ATP2C2: variants seen among roughly 807,000 people sequenced by gnomAD.
ATP2C2 encodes the protein calcium-transporting ATPase type 2C member 2.
A neutral mutation model predicts 110.8 loss-of-function variants in ATP2C2; 171 were observed. The ratio of observed to expected loss-of-function variants is 1.54; its 90% CI spans 1.36 to 1.75. The LOEUF (loss-of-function observed/expected upper bound fraction) is 1.75, where lower values mean the gene tolerates loss of function less well. ATP2C2 is among the 40% of genes most tolerant of loss of function. The probability of loss-of-function intolerance (pLI) is 0.00; values close to 1 mark genes in which losing one functional copy is unlikely to be tolerated. For missense variants in ATP2C2, 1,963 were observed against 1,235.0 expected (o/e 1.59, Z -8.84); for synonymous variants, 804 against 508.4 (o/e 1.58, Z -7.82).
At chr16:84,447,902 A>AC (rs1567733883) in intron 16 of ATP2C2, among the ~76,000 whole-genome samples, 1 of 148,404 alleles carries the variant, frequency 6.7e-6, no homozygotes, top group African/African-American at 2.5e-5. Context: ...ATATATAATT[A>AC]ATATTATATT....
Position 84,389,189 on chromosome 16 carries a change from A to G in ATP2C2, c.100-9310A>G, listed in dbSNP as rs143235216. Among the ~76,000 whole-genome samples, 321 of 152,316 alleles carry G rather than the reference A, an allele frequency of 2.1e-3. 4 individuals carry two copies. Among genetic ancestry groups the G allele is most frequent in the South Asian group, 0.011 (55 of 4,830 alleles). On this transcript the variant is annotated intron_variant, in intron 1 of 26. Transcript: ENST00000262429. ...ACAACCTAAGGCATTTGGGATTCCC[A>G]CATGAGCCGTTTTCTTGTTCTTCTC...
chr16:84,408,788 G>A (rs2150524051), intron 4 of ATP2C2, among the ~76,000 whole-genome samples: 1 of 152,072 alleles, frequency 6.6e-6, no homozygotes, highest in Non-Finnish European at 1.5e-5. Flanking sequence ...TAGAGCCTGG[G>A]CTGTGCACAT....
chr16:84,442,659 T>C, intron 15 of ATP2C2, 60 bp downstream of exon 15: 6 of 1,510,804 alleles, frequency 4.0e-6, no homozygotes, highest in Non-Finnish European at 5.5e-6. Context: ...GATTCATTGG[T>C]AGAAAGCCAG....
At chr16:84,403,481 A>AT (rs1256861226) in intron 2 of ATP2C2, among the ~76,000 whole-genome samples, 2 of 151,094 alleles carry the variant, frequency 1.3e-5, no homozygotes, top group African/African-American at 2.4e-5. Flanking sequence ...AATTTTTAAA[A>AT]TTTTTTTGTA....
chr16:84,396,224 G>A (rs1394371318), intron 1 of ATP2C2, among the ~76,000 whole-genome samples: 7 of 26,836 alleles, frequency 2.6e-4, no homozygotes, highest in African/African-American at 4.4e-4. Context: ...AGCATCGGGC[G>A]TGTGTGTGTG....
At chr16:84,462,321 A>AG in intron 26 of ATP2C2, 192 bp downstream of exon 26, 1 of 701,944 alleles carries the variant, frequency 1.4e-6, no homozygotes, top group Admixed American at 3.0e-5. Flanking sequence ...ACGGATGCAC[A>AG]GAAACCCCTA....
At position 84,405,143 on chromosome 16, in the gene ATP2C2, G is replaced by C; in HGVS notation, c.226G>C (p.Gly76Arg). The C allele has an allele frequency of 2.5e-6, 4 of 1,613,936 alleles. No individual in the cohort carries two copies. Among genetic ancestry groups the C allele is most frequent in the Non-Finnish European group, 3.4e-6 (4 of 1,179,980 alleles). The change falls in exon 3 of 27, where the codon GGG becomes CGG. Residue 76 changes from glycine to arginine, a missense_variant. Physicochemically the swap from Gly to Arg is moderately radical, Grantham distance 125. Transcript: ENST00000262429. ...ARAFCVDLHT[G>R]LSEFSVTQRR... is the part of the protein sequence containing the mutation. ...CTCCTTCCAGGTGGACTTACACACT[G>C]GGCTGTCGGAGTTCTCGGTGACGCA...
chr16:84,419,424 C>A (rs1027152495), intron 7 of ATP2C2, among the ~76,000 whole-genome samples: 2 of 152,106 alleles, frequency 1.3e-5, no homozygotes, highest in Non-Finnish European at 2.9e-5. Flanking sequence ...CTTATGAGGA[C>A]CCTCGTGATC....
At chr16:84,446,470 C>A in intron 16 of ATP2C2, 40 bp downstream of exon 16, 1 of 1,452,966 alleles carries the variant, frequency 6.9e-7, no homozygotes, top group Admixed American at 2.2e-5. Flanking sequence ...CTCTTTCTGC[C>A]CGGGCCCCCA....
At chr16:84,410,095 G>C (rs2150525605) in intron 4 of ATP2C2, among the ~76,000 whole-genome samples, 1 of 152,284 alleles carries the variant, frequency 6.6e-6, no homozygotes, top group South Asian at 2.1e-4. Flanking sequence ...TGTGGTCCCA[G>C]CTACTTGGGA....
intron 13 of ATP2C2, among the ~76,000 whole-genome samples, chr16:84,439,938 G>A (rs113892029): frequency 2.0e-5 from 3 of 152,208 alleles, no homozygotes; most frequent in South Asian, 4.1e-4. Context: ...GGGTTCAAGC[G>A]ACTCTCCTGC....
At chr16:84,381,712 T>C (rs181752878) in intron 1 of ATP2C2, among the ~76,000 whole-genome samples, 4 of 152,352 alleles carry the variant, frequency 2.6e-5, no homozygotes, top group South Asian at 2.1e-4. Context: ...TCAACACATC[T>C]TCAATGGCGG....
chr16:84,394,226 A>G (rs1904838277), intron 1 of ATP2C2, among the ~76,000 whole-genome samples: 2 of 152,002 alleles, frequency 1.3e-5, no homozygotes, highest in South Asian at 4.1e-4. Flanking sequence ...GGTGAAATTC[A>G]CATAACAAAA....
At chr16:84,382,986 C>T (rs1308180547) in intron 1 of ATP2C2, among the ~76,000 whole-genome samples, 1 of 152,026 alleles carries the variant, frequency 6.6e-6, no homozygotes, top group Non-Finnish European at 1.5e-5. Context: ...GCAAAAGCAG[C>T]CTCAGAAGAG....
chr16:84,413,475 G>A (rs1224300899), intron 6 of ATP2C2, among the ~76,000 whole-genome samples: 2 of 152,218 alleles, frequency 1.3e-5, no homozygotes, highest in African/African-American at 4.8e-5. Flanking sequence ...CAGTAGAAAT[G>A]TCTGGGCTCG....
chr16:84,405,169 G>T lies in ATP2C2; in HGVS notation c.252G>T (p.Gln84His), dbSNP rs1246613036. ...HTGLSEFSVT[Q>H]RRLAHGWNEF... ...GGCTGTCGGAGTTCTCGGTGACGCA[G>T]CGCCGGCTGGCCCATGGCTGGAATG... is the stretch of plus-strand genomic sequence containing the variant. Residue 84 changes from glutamine (Q) to histidine (H), a missense_variant, in exon 3 of 27, where the codon CAG (glutamine) becomes CAT (histidine). Coordinates refer to ENST00000262429, the MANE Select transcript of ATP2C2 (RefSeq NM_014861.4). The T allele has an allele frequency of 6.2e-7, 1 of 1,613,862 alleles. No individual in the cohort carries two copies. Among genetic ancestry groups the T allele is most frequent in the Non-Finnish European group, 8.5e-7 (1 of 1,179,972 alleles).
intron 20 of ATP2C2, 120 bp from the exon 21 acceptor site, chr16:84,454,698 G>T (rs1390380330): frequency 1.9e-6 from 2 of 1,063,566 alleles, no homozygotes; most frequent in Non-Finnish European, 2.6e-6. Flanking sequence ...GTGAAGCTGG[G>T]ATTCGAATTC....
At chr16:84,406,331 G>A (rs998055620) in intron 3 of ATP2C2, among the ~76,000 whole-genome samples, 2 of 152,256 alleles carry the variant, frequency 1.3e-5, no homozygotes, top group Admixed American at 1.3e-4. Flanking sequence ...TCAGTGAACA[G>A]GCAGAATTTT....
Position 84,397,655 on chromosome 16 carries a change from CAAAA to C in ATP2C2, c.100-829_100-826del, listed in dbSNP as rs58934576. 2.2e-3 allele frequency among the ~76,000 whole-genome samples: 137 copies of C among 63,506 alleles called. 11 individuals carry two copies. The highest frequency in any genetic ancestry group is 4.9e-3 in the East Asian group (10 of 2,040). 41.7% of individuals were successfully genotyped at this position (63,506 alleles called of 152,430 possible). A position where few individuals can be genotyped will look rare whatever the true frequency, so the allele number is the denominator to read the frequency against. The stretch of plus-strand genomic sequence containing the variant: ...CACCACTGCACTCCAGCCTGGGTGA[CAAAA>C]AAAAAAAAAAAAAACTTGCTTAAAA... On this transcript the variant is annotated intron_variant, in intron 1 of 26. Coordinates refer to ENST00000262429, the MANE Select transcript of ATP2C2 (RefSeq NM_014861.4).
Sources: allele counts gnomAD v4.1 joint callset (sites outside exome capture counted in the v4.1 genomes callset), GRCh38; gene constraint gnomAD v4.1.1; transcripts MANE v1.5; gene names NCBI Gene and HGNC (gene_info 2026-07-23, HGNC 2026-07-21).